Variants in TNC observed in about 807,000 individuals in gnomAD.
TNC encodes tenascin C, also known as tenascin.
Under a neutral mutation model 202.4 loss-of-function variants are expected in TNC, and 109 were observed. That is an observed-to-expected ratio of 0.54 (90% CI 0.46 to 0.63). TNC has a LOEUF of 0.63. Ranked by LOEUF, TNC falls within the 30% of genes least tolerant of loss-of-function variation. TNC has a pLI of 0.00. For missense variants in TNC, 2,756 were observed against 2,833.3 expected, an observed-to-expected ratio of 0.97 and a Z score of 0.62; for synonymous variants, 1,007 against 1,089.7, an observed-to-expected ratio of 0.92 and a Z score of 1.50.
chr9:115,091,196 T>C (rs1835205665), intron 1 of TNC, 42 bp from the exon 2 acceptor site: 3 of 591,158 alleles, frequency 5.1e-6, no homozygotes, highest in East Asian at 2.8e-5. Flanking sequence ...GTATCTACTA[T>C]TGAATATATT....
chr9:115,043,877 T>A (rs2132039271), intron 17 of TNC, among the ~76,000 whole-genome samples: 1 of 152,356 alleles, frequency 6.6e-6, no homozygotes, highest in South Asian at 2.1e-4. Flanking sequence ...TAGGTGTATC[T>A]TATGGCCAAA....
intron 9 of TNC, among the ~76,000 whole-genome samples, chr9:115,075,709 CTG>C (rs1833793625): frequency 1.3e-5 from 2 of 152,070 alleles, no homozygotes; most frequent in African/African-American, 4.8e-5. Context: ...CTCTTGAACC[CTG>C]GAGGCGGAGG....
At chr9:115,080,546 G>A (rs1158873777) in intron 6 of TNC, among the ~76,000 whole-genome samples, 2 of 152,132 alleles carry the variant, frequency 1.3e-5, no homozygotes, top group Non-Finnish European at 2.9e-5. Context: ...AAGAGTTGGC[G>A]CATATGTTAT....
intron 14 of TNC, 49 bp downstream of exon 14, chr9:115,059,681 A>G: frequency 6.6e-7 from 1 of 1,519,246 alleles, no homozygotes; most frequent in Non-Finnish European, 8.8e-7. Context: ...TCTCTTGAAA[A>G]GGAAGCAAAG....
chr9:115,061,879 T>C (rs965239226), intron 13 of TNC, among the ~76,000 whole-genome samples: 3 of 152,216 alleles, frequency 2.0e-5, no homozygotes, highest in African/African-American at 4.8e-5. Flanking sequence ...CCTTCCCAAA[T>C]TGAATGAAAA....
In TNC at chr9:115,078,070, G is replaced by C. The variant is rs753985056; in HGVS notation, c.2547C>G (p.Ile849Met). ...ACTGGTTCTCGTCCTCTGTGAGATC[G>C]ATGGTGGTACGGTCTCCTGGCACGT... ...IKDVPGDRTTIDLTEDENQYS... is the reference protein window; with the variant it reads ...IKDVPGDRTTMDLTEDENQYS... The change falls in exon 7 of 28, where the codon ATC (isoleucine) becomes ATG (methionine). Residue 849 changes from isoleucine to methionine, a missense_variant. Physicochemically the swap from Ile to Met is conservative, Grantham distance 10 (BLOSUM62 1). Around this residue, in one of 2 missense-constraint regions of TNC, gnomAD observed 2,559 missense variants for 2,546.0 expected, o/e 1.01. Coordinates refer to ENST00000350763, the MANE Select transcript of TNC (RefSeq NM_002160.4). 50 of 1,613,980 alleles carry C rather than the reference G, an allele frequency of 3.1e-5. No individual in the cohort carries two copies. The highest frequency in any genetic ancestry group is 2.8e-5 in the Non-Finnish European group (33 of 1,180,010).
At chr9:115,080,026 C>T (rs1385516382) in intron 6 of TNC, among the ~76,000 whole-genome samples, 6 of 152,176 alleles carry the variant, frequency 3.9e-5, no homozygotes, top group African/African-American at 1.4e-4. Context: ...CTTAGGAGGC[C>T]GAGGCGGGTG....
chr9:115,091,081 G>T lies in TNC; in HGVS notation c.-63C>A. On this transcript the variant is annotated 5_prime_UTR_variant, in exon 2 of 28. The change creates a new upstream start codon in the 5' untranslated region. Coordinates refer to ENST00000350763, the MANE Select transcript of TNC (RefSeq NM_002160.4). ...AGGGCTCTAGGGTATCTCACTTTCAGCAGAATTGGGGATTTAGAAGCACAG... is the reference window on the plus strand; with the variant it reads ...AGGGCTCTAGGGTATCTCACTTTCATCAGAATTGGGGATTTAGAAGCACAG... 7.5e-7 allele frequency: 1 copy of T among 1,341,272 alleles called. No individual in the cohort carries two copies. The highest frequency in any genetic ancestry group is 1.4e-5 in the African/African-American group (1 of 69,486). The allele number at this position is 1,341,272 out of a possible 1,614,324, so 83.1% of individuals were successfully genotyped here.
chr9:115,085,921 A>T lies in TNC; in HGVS notation c.1810T>A (p.Cys604Ser), dbSNP rs776343539. The change falls in exon 3 of 28, where the codon TGC becomes AGC. Residue 604 changes from cysteine to serine, a missense_variant. Cys to Ser is a moderately radical substitution (Grantham distance 112). Transcript: ENST00000350763. ...TTGCAGATGCAGCGGCCCGAGACGC[A>T]TTGTCCTAAGTTGTTGCAGTCACTG... ...CPSDCNNLGQCVSGRCICNEG... is the reference protein window; with the variant it reads ...CPSDCNNLGQSVSGRCICNEG... 2 of 1,613,324 alleles carry T rather than the reference A, an allele frequency of 1.2e-6. No homozygotes were observed. Among genetic ancestry groups the T allele is most frequent in the Non-Finnish European group, 1.7e-6 (2 of 1,179,538 alleles).
Position 115,042,237 on chromosome 9 carries a change from A to G in TNC, c.5230T>C (p.Tyr1744His), listed in dbSNP as rs1216296371. The change falls in exon 18 of 28, where the codon TAT becomes CAT. Residue 1744 changes from tyrosine (Y) to histidine (H), a missense_variant. By Grantham distance (83) the Tyr-to-His change is moderately conservative. Transcript: ENST00000350763. Reference protein sequence around the residue: ...TAQVESFRITYVPITGGTPSM... With the variant: ...TAQVESFRITHVPITGGTPSM... ...CTCCTACCTCCTGTAATGGGCACAT[A>G]GGTAATCCGGAAGCTCTCCACTTGG... 1.2e-6 allele frequency: 2 copies of G among 1,613,912 alleles called. No homozygotes were observed. Among genetic ancestry groups the G allele is most frequent in the Non-Finnish European group, 1.7e-6 (2 of 1,179,932 alleles).
At chr9:115,077,414 A>G (rs1833957711) in intron 7 of TNC, among the ~76,000 whole-genome samples, 1 of 151,634 alleles carries the variant, frequency 6.6e-6, no homozygotes, top group East Asian at 2.0e-4. Context: ...GATGGTCTCC[A>G]TCTCTTGACC....
chr9:115,105,699 A>G (rs1361869515), intron 1 of TNC, among the ~76,000 whole-genome samples: 1 of 152,204 alleles, frequency 6.6e-6, no homozygotes, highest in African/African-American at 2.4e-5. Context: ...TAGCTGTGTA[A>G]CTTTAAACAG....
At chr9:115,044,169 A>G (rs1160446703) in intron 17 of TNC, among the ~76,000 whole-genome samples, 1 of 152,000 alleles carries the variant, frequency 6.6e-6, no homozygotes, top group Non-Finnish European at 1.5e-5. Flanking sequence ...AGGAGGAGCT[A>G]CAGCAGGGCC....
At chr9:115,117,395 T>A (rs992122715) in intron 1 of TNC, among the ~76,000 whole-genome samples, 1 of 152,230 alleles carries the variant, frequency 6.6e-6, no homozygotes, top group African/African-American at 2.4e-5. Context: ...TCTAGCTGCC[T>A]GTCAGTTATT....
At chr9:115,082,463 A>G (rs1467585454) in intron 5 of TNC, among the ~76,000 whole-genome samples, 2 of 152,096 alleles carry the variant, frequency 1.3e-5, no homozygotes, top group East Asian at 1.9e-4. Flanking sequence ...CCTTGAGGTG[A>G]CAACTTCTAT....
chr9:115,023,929 G>A (rs539206758), intron 27 of TNC, 44 bp downstream of exon 27: 2 of 1,591,118 alleles, frequency 1.3e-6, no homozygotes, highest in African/African-American at 2.7e-5. Context: ...GCCCCCTCCA[G>A]CTTCCCAAGC....
chr9:115,041,308 GC>G lies in TNC; in HGVS notation c.5249-225del, dbSNP rs770887479. On this transcript the variant is annotated intron_variant, in intron 18 of 27. Coordinates refer to ENST00000350763, the MANE Select transcript of TNC (RefSeq NM_002160.4). ...GATGCCAAAAACAAAGCCAGGAGGG[GC>G]GGGGGAAAACATGAAGTCACAACGT... 0.034 allele frequency among the ~76,000 whole-genome samples: 3,876 copies of G among 114,752 alleles called. 232 individuals are homozygous for G. The highest frequency in any genetic ancestry group is 0.11 in the African/African-American group (3,347 of 31,704). 75.3% of individuals were successfully genotyped at this position (114,752 alleles called of 152,430 possible).
At position 115,118,077 on chromosome 9, in the gene TNC, C is replaced by A. The variant is rs1474231079; in HGVS notation, c.-232G>T. Reference sequence around the variant, plus strand: ...GTGCGCGTTCCCCCGAGTTCCCCAGCAGCGCTGCCTTTGTGCCCACGGAGG... The same window carrying A: ...GTGCGCGTTCCCCCGAGTTCCCCAGAAGCGCTGCCTTTGTGCCCACGGAGG... On this transcript the variant is annotated 5_prime_UTR_variant, in exon 1 of 28. Coordinates refer to ENST00000350763, the MANE Select transcript of TNC (RefSeq NM_002160.4). The A allele has an allele frequency of 3.9e-5, 6 of 152,300 alleles. No individual in the cohort carries two copies. Among genetic ancestry groups the A allele is most frequent in the Admixed American group, 1.3e-4 (2 of 15,284 alleles). 9.4% of individuals were successfully genotyped at this position (152,300 alleles called of 1,614,324 possible).
At chr9:115,041,274 A>G (rs1830715711) in intron 18 of TNC, among the ~76,000 whole-genome samples, 190 bp from the exon 19 acceptor site, 1 of 138,452 alleles carries the variant, frequency 7.2e-6, no homozygotes. Context: ...TGCTTTTTCT[A>G]TTGGTGCAGA....
Sources: allele counts gnomAD v4.1 joint callset (sites outside exome capture counted in the v4.1 genomes callset), GRCh38; gene constraint gnomAD v4.1.1; regional missense constraint gnomAD v4.1.1; transcripts MANE v1.5; gene names NCBI Gene and HGNC (gene_info 2026-07-23, HGNC 2026-07-21).